Variants in LRP1B observed in about 807,000 individuals in gnomAD.
LRP1B encodes the protein LDL receptor related protein 1B.
LRP1B carries 217 observed loss-of-function variants against 556.6 expected under a neutral mutation model. The observed-to-expected ratio is 0.39, with a 90% CI of 0.35 to 0.44. The LOEUF (loss-of-function observed/expected upper bound fraction) is 0.44, where lower values mean the gene tolerates loss of function less well. LRP1B is among the 20% of genes least tolerant of loss of function. LRP1B has a pLI of 1.00. For synonymous variants in LRP1B, 2,047 were observed against 1,865.8 expected, an observed-to-expected ratio of 1.10 and a Z score of -2.50; for missense variants, 5,053 against 5,620.8, an observed-to-expected ratio of 0.90 and a Z score of 3.23.
chr2:141,611,164 G>A (rs2105322345), intron 2 of LRP1B, among the ~76,000 whole-genome samples: 1 of 152,290 alleles, frequency 6.6e-6, no homozygotes, highest in East Asian at 1.9e-4. Context: ...TTTTAACCGT[G>A]GTTTCCCATA....
At chr2:140,655,044 A>ATATATATATATATATC (rs1226436535) in intron 41 of LRP1B, among the ~76,000 whole-genome samples, 2 of 151,978 alleles carry the variant, frequency 1.3e-5, no homozygotes, top group Non-Finnish European at 1.5e-5. Flanking sequence ...ATATATATAT[A>ATATATATATATATATC]TATCTCCTAG....
At chr2:142,069,079 A>G (rs947183595) in intron 1 of LRP1B, among the ~76,000 whole-genome samples, 2 of 150,672 alleles carry the variant, frequency 1.3e-5, no homozygotes, top group Admixed American at 6.6e-5. Flanking sequence ...CCTTCTCTGT[A>G]TTTTTAATTA....
chr2:141,003,968 G>A (rs1697497710), intron 15 of LRP1B, among the ~76,000 whole-genome samples: 1 of 152,136 alleles, frequency 6.6e-6, no homozygotes, highest in African/African-American at 2.4e-5. Context: ...TAGTGGCATT[G>A]TAAGTGGATT....
At chr2:141,617,209 C>T (rs2105330680) in intron 2 of LRP1B, among the ~76,000 whole-genome samples, 1 of 152,228 alleles carries the variant, frequency 6.6e-6, no homozygotes, top group Admixed American at 6.5e-5. Flanking sequence ...CACCTATCTC[C>T]AGTGATTGAA....
intron 1 of LRP1B, among the ~76,000 whole-genome samples, chr2:141,884,865 G>T (rs144608738): frequency 6.6e-6 from 1 of 152,078 alleles, no homozygotes; most frequent in Non-Finnish European, 1.5e-5. Flanking sequence ...ACACTAACCC[G>T]GTGAATAGGA....
chr2:141,216,190 G>T (rs1384180334), intron 6 of LRP1B, among the ~76,000 whole-genome samples: 9 of 152,112 alleles, frequency 5.9e-5, no homozygotes, highest in Non-Finnish European at 1.2e-4. Context: ...ACCAGCCAGG[G>T]TTCAAAGGGT....
At chr2:140,267,675 C>T (rs922160857) in intron 86 of LRP1B, among the ~76,000 whole-genome samples, 8 of 151,734 alleles carry the variant, frequency 5.3e-5, no homozygotes, top group Non-Finnish European at 1.2e-4. Context: ...GTTGAACCCA[C>T]GAATGTGGAG....
intron 1 of LRP1B, among the ~76,000 whole-genome samples, chr2:141,846,582 T>C (rs1215054126): frequency 6.6e-6 from 1 of 151,618 alleles, no homozygotes. Context: ...TATAACTAAC[T>C]ATAAAACATA....
At chr2:140,929,674 C>T (rs930350078) in intron 20 of LRP1B, among the ~76,000 whole-genome samples, 1 of 150,982 alleles carries the variant, frequency 6.6e-6, no homozygotes. Flanking sequence ...CTCCAAGAAC[C>T]TTCACATTTA....
chr2:142,047,113 T>C (rs1704286562), intron 1 of LRP1B, among the ~76,000 whole-genome samples: 1 of 152,006 alleles, frequency 6.6e-6, no homozygotes, highest in South Asian at 2.1e-4. Context: ...TAAATCTTAA[T>C]CGTGGAAATT....
chr2:141,919,472 AAG>A (rs1700122367), intron 1 of LRP1B, among the ~76,000 whole-genome samples: 1 of 152,056 alleles, frequency 6.6e-6, no homozygotes, highest in South Asian at 2.1e-4. Context: ...ACAAAATGTT[AAG>A]AGAGTATATA....
chr2:142,106,416 A>C (rs1198039761), intron 1 of LRP1B, among the ~76,000 whole-genome samples: 1 of 152,162 alleles, frequency 6.6e-6, no homozygotes, highest in African/African-American at 2.4e-5. Flanking sequence ...AGCTGTAATT[A>C]GTTACATTTT....
At chr2:141,869,681 C>T (rs1698521692) in intron 1 of LRP1B, among the ~76,000 whole-genome samples, 1 of 152,090 alleles carries the variant, frequency 6.6e-6, no homozygotes, top group Non-Finnish European at 1.5e-5. Context: ...GGTTCATTTT[C>T]ATTGTCTTTG....
intron 84 of LRP1B, among the ~76,000 whole-genome samples, chr2:140,292,988 T>C (rs555622478): frequency 1.3e-5 from 2 of 152,294 alleles, no homozygotes; most frequent in Admixed American, 1.3e-4. Flanking sequence ...TACTTCTAAC[T>C]CTGTAAGTAG....
intron 7 of LRP1B, among the ~76,000 whole-genome samples, chr2:141,168,174 G>A (rs1249778141): frequency 6.6e-6 from 1 of 151,974 alleles, no homozygotes; most frequent in Non-Finnish European, 1.5e-5. Flanking sequence ...AAGTGATATG[G>A]CATATTTTCA....
At chr2:142,086,639 A>G (rs1227739956) in intron 1 of LRP1B, among the ~76,000 whole-genome samples, 4 of 47,216 alleles carry the variant, frequency 8.5e-5, no homozygotes, top group Non-Finnish European at 1.6e-4. Context: ...AAACAAACAA[A>G]CAAAAAAAAA....
At chr2:140,651,526 T>TAAAAAAAA (rs558677783) in intron 41 of LRP1B, among the ~76,000 whole-genome samples, 7 of 107,026 alleles carry the variant, frequency 6.5e-5, no homozygotes, top group African/African-American at 1.1e-4. Flanking sequence ...ATACAAAAAT[T>TAAAAAAAA]AAAAAAAAAA....
At chr2:141,729,778 T>C (rs947978003) in intron 2 of LRP1B, among the ~76,000 whole-genome samples, 3 of 152,204 alleles carry the variant, frequency 2.0e-5, no homozygotes, top group Non-Finnish European at 4.4e-5. Context: ...TTTCTATTCC[T>C]ATTCTGTTCA....
chr2:141,313,932 A>G (rs1011965143), intron 3 of LRP1B, among the ~76,000 whole-genome samples: 1 of 150,324 alleles, frequency 6.7e-6, no homozygotes, highest in South Asian at 2.1e-4. Flanking sequence ...TTGTCTCTCC[A>G]ATTCTTTATG....
Sources: allele counts gnomAD v4.1 joint callset (sites outside exome capture counted in the v4.1 genomes callset), GRCh38; gene constraint gnomAD v4.1.1; transcripts MANE v1.5; gene names NCBI Gene and HGNC (gene_info 2026-07-23, HGNC 2026-07-21).